Variants in HEBP2 observed in about 807,000 individuals in gnomAD.
HEBP2 encodes the protein heme-binding protein 2.
A neutral mutation model predicts 23.1 loss-of-function variants in HEBP2; 27 were observed. The ratio of observed to expected loss-of-function variants is 1.17; its 90% confidence interval spans 0.86 to 1.61. The LOEUF (loss-of-function observed/expected upper bound fraction) is 1.61, where lower values mean the gene tolerates loss of function less well. Among genes scored for constraint, HEBP2 ranks in the 40% most tolerant of loss-of-function variants. The pLI is 0.00. For missense variants in HEBP2, 245 were observed against 253.8 expected (o/e 0.97, Z 0.24); for synonymous variants, 99 against 95.1 (o/e 1.04, Z -0.24).
Position 138,421,228 on chromosome 6 carries a change from A to G in HEBP2, c.*8150A>G, listed in dbSNP as rs1219495404. On this transcript the variant is annotated 3_prime_UTR_variant, in exon 4 of 4. Transcript: ENST00000607197. ...CATTTGATGATGGAATCAGCATCGC[A>G]TGCAGGCTGAACCCCTACTACGGCA... The G allele has an allele frequency of 6.6e-6, 1 of 151,802 alleles. No homozygotes were observed. Among genetic ancestry groups the G allele is most frequent in the East Asian group, 1.9e-4 (1 of 5,142 alleles). The allele number at this position is 151,802 out of a possible 1,614,324, so 9.4% of individuals were successfully genotyped here. A position where few individuals can be genotyped will look rare whatever the true frequency, so the allele number is the denominator to read the frequency against.
In HEBP2 at chr6:138,413,178, G is replaced by A; in HGVS notation, c.*100G>A. On this transcript the variant is annotated 3_prime_UTR_variant, in exon 4 of 4. Transcript: ENST00000607197. ...AAGTGCGTGTCTAGTGTCTTCTATT[G>A]AGAGTACTACTATTAATTAAGCTTA... 1.2e-6 allele frequency: 1 copy of A among 851,960 alleles called. No individual in the cohort carries two copies. The highest frequency in any genetic ancestry group is 1.6e-5 in the South Asian group (1 of 62,264). 52.8% of individuals were successfully genotyped at this position (851,960 alleles called of 1,614,324 possible).
Position 138,404,281 on chromosome 6 carries a change from G to A in HEBP2, c.-215G>A. ...GCAACTCCGGCCGGAGCTGTCCGGG[G>A]TCGTGAGCCGGCCCCGCCTTGGTGG... is the stretch of plus-strand genomic sequence containing the variant. On this transcript the variant is annotated 5_prime_UTR_variant, in exon 1 of 4. Coordinates refer to ENST00000607197, the MANE Select transcript of HEBP2 (RefSeq NM_014320.3). 3.0e-6 allele frequency: 1 copy of A among 333,508 alleles called. No individual in the cohort carries two copies. The highest frequency in any genetic ancestry group is 5.4e-6 in the Non-Finnish European group (1 of 184,894). The allele number at this position is 333,508 out of a possible 1,614,324, so 20.7% of individuals were successfully genotyped here.
chr6:138,404,420 G>A lies in HEBP2; in HGVS notation c.-76G>A. The A allele has an allele frequency of 3.0e-6, 3 of 999,330 alleles. No homozygotes were observed. The highest frequency in any genetic ancestry group is 1.7e-5 in the African/African-American group (1 of 58,978). The allele number at this position is 999,330 out of a possible 1,614,324, so 61.9% of individuals were successfully genotyped here. A position where few individuals can be genotyped will look rare whatever the true frequency, so the allele number is the denominator to read the frequency against. On this transcript the variant is annotated 5_prime_UTR_variant, in exon 1 of 4. Coordinates refer to ENST00000607197, the MANE Select transcript of HEBP2 (RefSeq NM_014320.3). ...GGGACTCGGGGCCTCGGCGGGGCGCGCACACGCAGGCGGGGCGGCCCGGGG... is the reference window on the plus strand; with the variant it reads ...GGGACTCGGGGCCTCGGCGGGGCGCACACACGCAGGCGGGGCGGCCCGGGG...
At position 138,417,007 on chromosome 6, in the gene HEBP2, A is replaced by T. The variant is rs974407394; in HGVS notation, c.*3929A>T. The T allele has an allele frequency of 1.3e-5, 2 of 152,098 alleles. No homozygotes were observed. The highest frequency in any genetic ancestry group is 4.8e-5 in the African/African-American group (2 of 41,400). The allele number at this position is 152,098 out of a possible 1,614,324, so 9.4% of individuals were successfully genotyped here. ...TTTTCTAAAGGATCTATGGCCATTT[A>T]CTCAGGTGGCTCTACCCTGGGGAAA... is the stretch of plus-strand genomic sequence containing the variant. On this transcript the variant is annotated 3_prime_UTR_variant, in exon 4 of 4. Coordinates refer to ENST00000607197, the MANE Select transcript of HEBP2 (RefSeq NM_014320.3).
upstream of HEBP2, among the ~76,000 whole-genome samples, chr6:138,403,988 C>G (rs1223801613): frequency 6.6e-6 from 1 of 151,968 alleles, no homozygotes; most frequent in Non-Finnish European, 1.5e-5. Context: ...GGTCGCCAGC[C>G]GCCACCTCCT....
At position 138,413,108 on chromosome 6, in the gene HEBP2, G is replaced by A. The variant is rs781084643; in HGVS notation, c.*30G>A. ...AATGAAAGGAAGTTCTGCTGTCAGA[G>A]GCAAAACATCTGTTTATCATAGACA... is the stretch of plus-strand genomic sequence containing the variant. On this transcript the variant is annotated 3_prime_UTR_variant, in exon 4 of 4. Coordinates refer to ENST00000607197, the MANE Select transcript of HEBP2 (RefSeq NM_014320.3). 4 of 1,551,816 alleles carry A rather than the reference G, an allele frequency of 2.6e-6. No homozygotes were observed. In the South Asian group the frequency reaches 3.4e-5, roughly 13 times the overall value.
intron 1 of HEBP2, 57 bp from the exon 2 acceptor site, chr6:138,405,088 C>T (rs1774618089): frequency 1.9e-6 from 3 of 1,572,194 alleles, no homozygotes; most frequent in Admixed American, 3.7e-5. Flanking sequence ...GGTATTTTTG[C>T]ATCTCACTCC....
At chr6:138,406,302 G>A (rs1278558373) in intron 3 of HEBP2, 151 bp downstream of exon 3, 2 of 699,200 alleles carry the variant, frequency 2.9e-6, no homozygotes, top group Non-Finnish European at 4.9e-6. Context: ...TGGCTTTGTT[G>A]TATATGTTAC....
At position 138,414,181 on chromosome 6, in the gene HEBP2, GCCA is replaced by G. The variant is rs1393013812; in HGVS notation, c.*1105_*1107del. 2 of 152,336 alleles carry G rather than the reference GCCA, an allele frequency of 1.3e-5. No homozygotes were observed. The highest frequency in any genetic ancestry group is 6.5e-5 in the Admixed American group (1 of 15,276). The allele number at this position is 152,336 out of a possible 1,614,324, so 9.4% of individuals were successfully genotyped here. A position where few individuals can be genotyped will look rare whatever the true frequency, so the allele number is the denominator to read the frequency against. On this transcript the variant is annotated 3_prime_UTR_variant, in exon 4 of 4. Transcript: ENST00000607197. ...AGAGGTGACAGTGTTAAAGGGAGAG[GCCA>G]CGTTCAGTACCCAGAACAAAAAGCT...
At position 138,420,638 on chromosome 6, in the gene HEBP2, A is replaced by AG. The variant is rs1156622443; in HGVS notation, c.*7565dup. On this transcript the variant is annotated 3_prime_UTR_variant, in exon 4 of 4. Transcript: ENST00000607197. ...TGGAAATTGAGAGCATGCTTTTCTG[A>AG]GGGGGCCCTCTTGCCAAAGACCAAG... 2 of 152,216 alleles carry AG rather than the reference A, an allele frequency of 1.3e-5. No individual in the cohort carries two copies. The highest frequency in any genetic ancestry group is 2.9e-5 in the Non-Finnish European group (2 of 68,082). 9.4% of individuals were successfully genotyped at this position (152,216 alleles called of 1,614,324 possible). A position where few individuals can be genotyped will look rare whatever the true frequency, so the allele number is the denominator to read the frequency against.
chr6:138,405,320 G>A, intron 2 of HEBP2, 40 bp downstream of exon 2: 1 of 1,611,152 alleles, frequency 6.2e-7, no homozygotes, highest in South Asian at 1.1e-5. Flanking sequence ...TATTGTGAAA[G>A]AGTCCCCGGG....
At chr6:138,403,768 T>C, upstream of HEBP2, 1 of 403,310 alleles carries the variant, frequency 2.5e-6, no homozygotes, top group Non-Finnish European at 4.4e-6. Flanking sequence ...TCGTTAAGCC[T>C]GCGGGGATGA....
In HEBP2 at chr6:138,419,560, C is replaced by T. The variant is rs1267708769; in HGVS notation, c.*6482C>T. The T allele has an allele frequency of 1.3e-5, 2 of 152,148 alleles. No homozygotes were observed. Among genetic ancestry groups the T allele is most frequent in the Non-Finnish European group, 2.9e-5 (2 of 68,042 alleles). The allele number at this position is 152,148 out of a possible 1,614,324, so 9.4% of individuals were successfully genotyped here. Reference sequence around the variant, plus strand: ...CCACTGCTCCTATCACATACTGCGCCACCTAGAAGCTGCTAGACTGATGGA... The same window carrying T: ...CCACTGCTCCTATCACATACTGCGCTACCTAGAAGCTGCTAGACTGATGGA... On this transcript the variant is annotated 3_prime_UTR_variant, in exon 4 of 4. Transcript: ENST00000607197.
intron 3 of HEBP2, among the ~76,000 whole-genome samples, chr6:138,411,017 C>T (rs1004812754): frequency 3.9e-5 from 6 of 152,178 alleles, no homozygotes; most frequent in African/African-American, 1.4e-4. Flanking sequence ...AGAGATGACA[C>T]CTCAGCTGAA....
At position 138,419,975 on chromosome 6, in the gene HEBP2, T is replaced by A. The variant is rs1490889617; in HGVS notation, c.*6897T>A. The A allele has an allele frequency of 2.0e-5, 3 of 152,070 alleles. No individual in the cohort carries two copies. The highest frequency in any genetic ancestry group is 2.9e-5 in the Non-Finnish European group (2 of 68,042). The allele number at this position is 152,070 out of a possible 1,614,324, so 9.4% of individuals were successfully genotyped here. A position where few individuals can be genotyped will look rare whatever the true frequency, so the allele number is the denominator to read the frequency against. ...CAAGAAGTCACCATCTAGTCAAGGG[T>A]AATTGACCCTGAACTGCAGGAGGAG... On this transcript the variant is annotated 3_prime_UTR_variant, in exon 4 of 4. Transcript: ENST00000607197.
chr6:138,413,132 C>A lies in HEBP2; in HGVS notation c.*54C>A. 2 of 1,360,964 alleles carry A rather than the reference C, an allele frequency of 1.5e-6. No individual in the cohort carries two copies. The highest frequency in any genetic ancestry group is 2.1e-6 in the Non-Finnish European group (2 of 955,226). The allele number at this position is 1,360,964 out of a possible 1,614,324, so 84.3% of individuals were successfully genotyped here. A position where few individuals can be genotyped will look rare whatever the true frequency, so the allele number is the denominator to read the frequency against. Reference sequence around the variant, plus strand: ...AGGCAAAACATCTGTTTATCATAGACATCAACATGACCTATAAGTAAAGTG... The same window carrying A: ...AGGCAAAACATCTGTTTATCATAGAAATCAACATGACCTATAAGTAAAGTG... On this transcript the variant is annotated 3_prime_UTR_variant, in exon 4 of 4. Transcript: ENST00000607197.
chr6:138,409,782 C>T (rs1398206838), intron 3 of HEBP2, among the ~76,000 whole-genome samples: 1 of 152,186 alleles, frequency 6.6e-6, no homozygotes, highest in Non-Finnish European at 1.5e-5. Flanking sequence ...TCAGCAGCTC[C>T]CCTTCCCACC....
rs756926060 is a variant in HEBP2, at chr6:138,405,124, G to GT, written c.103-17dup. Reference sequence around the variant, plus strand: ...TACCCTCTTAGAATTGCTTCTCGAAGTTTTCTCTGTTCCACTTTAGCCCGG... The same window carrying GT: ...TACCCTCTTAGAATTGCTTCTCGAAGTTTTTCTCTGTTCCACTTTAGCCCGG... On this transcript the variant is annotated intron_variant, in intron 1 of 3. Coordinates refer to ENST00000607197, the MANE Select transcript of HEBP2 (RefSeq NM_014320.3). 15 of 1,603,024 alleles carry GT rather than the reference G, an allele frequency of 9.4e-6. No homozygotes were observed. In the Admixed American group the frequency reaches 2.7e-4, roughly 29 times the overall value.
upstream of HEBP2, among the ~76,000 whole-genome samples, chr6:138,404,015 G>C (rs949954388): frequency 2.0e-5 from 3 of 151,920 alleles, no homozygotes; most frequent in South Asian, 2.1e-4. Context: ...CTCTGCCTGC[G>C]GTGCGCTGGG....
Sources: allele counts gnomAD v4.1 joint callset (sites outside exome capture counted in the v4.1 genomes callset), GRCh38; gene constraint gnomAD v4.1.1; transcripts MANE v1.5; gene names NCBI Gene and HGNC (gene_info 2026-07-23, HGNC 2026-07-21).